GRM3: variants seen among roughly 807,000 people sequenced by gnomAD.
GRM3 encodes the protein glutamate metabotropic receptor 3.
In GRM3, 26 loss-of-function variants were observed where a neutral mutation model predicts 70.5. The observed-to-expected ratio is 0.37, with a 90% CI of 0.27 to 0.51. The LOEUF (loss-of-function observed/expected upper bound fraction) is 0.51. GRM3 is among the 20% of genes least tolerant of loss of function. The probability of loss-of-function intolerance (pLI) is 0.93; values close to 1 mark genes in which losing one functional copy is unlikely to be tolerated. For synonymous variants in GRM3, 443 were observed against 434.9 expected (o/e 1.02, Z -0.23); for missense variants, 859 against 1,123.8 (o/e 0.76, Z 3.37).
chr7:86,646,014 G>GGGTGGA (rs1793461353), intron 1 of GRM3, among the ~76,000 whole-genome samples: 1 of 66,000 alleles, frequency 1.5e-5, no homozygotes, highest in African/African-American at 6.8e-5. Context: ...GGTGGGGGGG[G>GGGTGGA]GTGGGAGGGA....
At chr7:86,657,039 G>A (rs1306692645) in intron 1 of GRM3, among the ~76,000 whole-genome samples, 3 of 152,070 alleles carry the variant, frequency 2.0e-5, no homozygotes, top group Non-Finnish European at 4.4e-5. Context: ...TTGTACTTTA[G>A]GAATTGTGAT....
Position 86,839,758 on chromosome 7 carries a change from G to T in GRM3, c.2244G>T (p.Val748=). Residue 748 remains valine, a synonymous_variant, in exon 4 of 6, where the codon GTG becomes GTT. Coordinates refer to ENST00000361669, the MANE Select transcript of GRM3 (RefSeq NM_000840.3). This position sits in a 1 kb window ranked among gnomAD's most constrained non-coding sequence, Gnocchi z 4.5. ...LISLTYDVIL[V]ILCTVYAFKT... ...CTCTTACCTACGATGTGATCCTGGT[G>T]ATCTTATGCACTGTGTACGCCTTCA... The T allele has an allele frequency of 6.2e-7, 1 of 1,614,072 alleles. No homozygotes were observed. Among genetic ancestry groups the T allele is most frequent in the Non-Finnish European group, 8.5e-7 (1 of 1,179,940 alleles).
At chr7:86,767,136 CA>C (rs1487728082) in intron 2 of GRM3, among the ~76,000 whole-genome samples, 5 of 151,846 alleles carry the variant, frequency 3.3e-5, no homozygotes, top group African/African-American at 1.2e-4. Flanking sequence ...CACTTGAACC[CA>C]GGGGGCAGAG....
At chr7:86,732,388 T>A (rs959495634) in intron 1 of GRM3, among the ~76,000 whole-genome samples, 7 of 151,378 alleles carry the variant, frequency 4.6e-5, no homozygotes, top group Admixed American at 2.0e-4. Flanking sequence ...CTCAGACAGA[T>A]TAGAGTGGGG....
intron 2 of GRM3, among the ~76,000 whole-genome samples, chr7:86,774,684 CAGT>C (rs1295658566): frequency 1.5e-4 from 13 of 84,722 alleles, no homozygotes; most frequent in African/African-American, 5.9e-4. Context: ...GTTGAATTGT[CAGT>C]GTGTTTACAC....
intron 1 of GRM3, among the ~76,000 whole-genome samples, chr7:86,666,190 G>T (rs1794021084): frequency 6.6e-6 from 1 of 151,924 alleles, no homozygotes; most frequent in Non-Finnish European, 1.5e-5. Context: ...AAAATTTTTG[G>T]AATAACCCAT....
intron 1 of GRM3, among the ~76,000 whole-genome samples, chr7:86,661,413 C>G (rs781692545): frequency 6.6e-6 from 1 of 151,796 alleles, no homozygotes; most frequent in Non-Finnish European, 1.5e-5. Flanking sequence ...TATGTTGGGC[C>G]CTGCGGTAGG....
intron 1 of GRM3, among the ~76,000 whole-genome samples, chr7:86,723,334 G>C (rs1253422103): frequency 6.6e-6 from 1 of 152,118 alleles, no homozygotes; most frequent in Non-Finnish European, 1.5e-5. Flanking sequence ...ACCTACTCTA[G>C]AGAATGCTGG....
intron 1 of GRM3, among the ~76,000 whole-genome samples, chr7:86,732,414 C>A (rs1378113225): frequency 7.6e-6 from 1 of 130,928 alleles, no homozygotes; most frequent in East Asian, 2.0e-4. Context: ...AAAAATGAAC[C>A]TGGCTATAGA....
At position 86,785,685 on chromosome 7, in the gene GRM3, A is replaced by ATTTTTTT. The variant is rs749456155; in HGVS notation, c.469-549_469-543dup. ...TTGGGTGGTGGACTAAATAGAATTG[A>ATTTTTTT]TTTTTTTTTTTTTTTTTTTTTTTTT... On this transcript the variant is annotated intron_variant, in intron 2 of 5. Coordinates refer to ENST00000361669, the MANE Select transcript of GRM3 (RefSeq NM_000840.3). Among the ~76,000 whole-genome samples the ATTTTTTT allele has an allele frequency of 1.1e-3, 71 of 65,236 alleles. 12 individuals are homozygous for ATTTTTTT. The highest frequency in any genetic ancestry group is 2.6e-3 in the East Asian group (4 of 1,532). 42.8% of individuals were successfully genotyped at this position (65,236 alleles called of 152,430 possible). A position where few individuals can be genotyped will look rare whatever the true frequency, so the allele number is the denominator to read the frequency against.
chr7:86,792,981 G>A (rs953004910), intron 3 of GRM3, among the ~76,000 whole-genome samples: 3 of 119,510 alleles, frequency 2.5e-5, no homozygotes, highest in Non-Finnish European at 5.4e-5. Context: ...TTTTTTATTT[G>A]TTTGCTTGGT....
rs546148568 is a variant in GRM3 at position 86,832,278 on chromosome 7, T to A, written c.1325-6561T>A. On this transcript the variant is annotated intron_variant, in intron 3 of 5. Transcript: ENST00000361669. ...TTTTTTTTTTTTTTTGAGTTGGAGT[T>A]TCACTCTTGTTGCCCAGGCTGGAGT... 1.2e-4 allele frequency among the ~76,000 whole-genome samples: 17 copies of A among 147,478 alleles called. No homozygotes were observed. In the South Asian group the frequency reaches 3.7e-3, roughly 32 times the overall value.
At chr7:86,701,479 T>C (rs1794945290) in intron 1 of GRM3, among the ~76,000 whole-genome samples, 1 of 151,928 alleles carries the variant, frequency 6.6e-6, no homozygotes, top group Non-Finnish European at 1.5e-5. Flanking sequence ...GCATTTAAGT[T>C]TGGTTTCATT....
chr7:86,743,620 T>C (rs970911813), intron 1 of GRM3, among the ~76,000 whole-genome samples: 2 of 152,174 alleles, frequency 1.3e-5, no homozygotes, highest in African/African-American at 4.8e-5. Flanking sequence ...TAGGTTTTCA[T>C]ACCTCTTAGA....
At chr7:86,648,206 ATAATT>A (rs1793524760) in intron 1 of GRM3, among the ~76,000 whole-genome samples, 1 of 152,192 alleles carries the variant, frequency 6.6e-6, no homozygotes, top group African/African-American at 2.4e-5. Flanking sequence ...TATGTTCCTA[ATAATT>A]TAATTTACTA....
chr7:86,654,547 T>G (rs578136336), intron 1 of GRM3, among the ~76,000 whole-genome samples: 1 of 152,284 alleles, frequency 6.6e-6, no homozygotes, highest in South Asian at 2.1e-4. Flanking sequence ...CTCCCCCAAC[T>G]AGCAACTTAT....
At chr7:86,803,197 T>C (rs900916897) in intron 3 of GRM3, among the ~76,000 whole-genome samples, 1 of 152,204 alleles carries the variant, frequency 6.6e-6, no homozygotes, top group Non-Finnish European at 1.5e-5. Context: ...CTATTCACTA[T>C]GTGTAATCTT....
At chr7:86,850,594 G>A (rs1798738506) in intron 5 of GRM3, 50 bp downstream of exon 5, 3 of 1,247,224 alleles carry the variant, frequency 2.4e-6, no homozygotes, top group Non-Finnish European at 3.5e-6. Flanking sequence ...ATTGTAGTCA[G>A]GACCAGCCTG....
intron 3 of GRM3, among the ~76,000 whole-genome samples, chr7:86,808,046 T>G (rs868153996): frequency 1.3e-5 from 2 of 152,254 alleles, no homozygotes; most frequent in South Asian, 2.1e-4. Flanking sequence ...ATGGATTACA[T>G]TTATTGATTT....
Sources: gnomAD v4.1 joint callset for allele counts (sites outside exome capture counted in the v4.1 genomes callset) on GRCh38, gnomAD v4.1.1 for gene constraint, Gnocchi (gnomAD v3.1) non-coding constraint, MANE v1.5 for transcripts, NCBI Gene and HGNC (gene_info 2026-07-23, HGNC 2026-07-21) for gene names.